The following MAB21L3 variants were observed in gnomAD, a reference collection of about 807,000 sequenced individuals.
MAB21L3 encodes the protein mab-21 like 3.
MAB21L3 carries 36 observed loss-of-function variants against 37.7 expected under a neutral mutation model. That is an observed-to-expected ratio of 0.96 (90% CI 0.73 to 1.26). The LOEUF (loss-of-function observed/expected upper bound fraction) is 1.26. MAB21L3 is among the 50% of genes most tolerant of loss of function. The pLI, the probability that MAB21L3 is intolerant of heterozygous loss-of-function variation, is 0.00. For missense variants in MAB21L3, 430 were observed against 447.3 expected (o/e 0.96, Z 0.35); for synonymous variants, 186 against 176.8 (o/e 1.05, Z -0.41).
chr1:116,117,204 G>T (rs1266633526), intron 3 of MAB21L3, among the ~76,000 whole-genome samples: 5 of 117,328 alleles, frequency 4.3e-5, no homozygotes, highest in South Asian at 2.4e-4. Context: ...TATAGTCACT[G>T]CTATGTTACT....
intron 7 of MAB21L3, among the ~76,000 whole-genome samples, chr1:116,129,350 T>G (rs1472445203): frequency 6.6e-6 from 1 of 152,222 alleles, no homozygotes. Flanking sequence ...TGCAGCCTGC[T>G]GGAGTAGGGA....
At chr1:116,126,072 C>T (rs1659901118) in intron 5 of MAB21L3, among the ~76,000 whole-genome samples, 1 of 152,188 alleles carries the variant, frequency 6.6e-6, no homozygotes, top group Non-Finnish European at 1.5e-5. Flanking sequence ...GCCCTTTATC[C>T]CACCCTGGCC....
At position 116,112,524 on chromosome 1, in the gene MAB21L3, G is replaced by T. The variant is rs1359955662; in HGVS notation, c.-92G>T. The T allele has an allele frequency of 6.2e-6, 7 of 1,135,458 alleles. No homozygotes were observed. The highest frequency in any genetic ancestry group is 9.2e-6 in the Non-Finnish European group (7 of 757,944). 70.3% of individuals were successfully genotyped at this position (1,135,458 alleles called of 1,614,324 possible). A position where few individuals can be genotyped will look rare whatever the true frequency, so the allele number is the denominator to read the frequency against. On this transcript the variant is annotated 5_prime_UTR_variant, in exon 3 of 8. Coordinates refer to ENST00000369500, the MANE Select transcript of MAB21L3 (RefSeq NM_152367.3). ...TTAGTACCCAGAGACTCACATTACT[G>T]GGAGTGCTATCTACTCACAAGTGTT...
rs775238771 is a variant in MAB21L3, at chr1:116,133,235, G to A, written c.959G>A (p.Ser320Asn). Residue 320 changes from serine (S) to asparagine (N), a missense_variant, in exon 8 of 8, where the codon AGC (serine) becomes AAC (asparagine). By Grantham distance (46) the Ser-to-Asn change is conservative. Coordinates refer to ENST00000369500, the MANE Select transcript of MAB21L3 (RefSeq NM_152367.3). ...GTGAGGAAACTGCACAAGTGCGTGA[G>A]CCAGCACTTCCTGAAACACTATTTC... ...RLVRKLHKCV[S>N]QHFLKHYFVR... The A allele has an allele frequency of 1.1e-5, 18 of 1,614,060 alleles. No individual in the cohort carries two copies. The highest frequency in any genetic ancestry group is 1.4e-5 in the Non-Finnish European group (16 of 1,180,034).
At position 116,124,140 on chromosome 1, in the gene MAB21L3, GC is replaced by G; in HGVS notation, c.265del (p.His89ThrfsTer32). ...LAGYREAREQ[H>X]WRYYTLQGTR... The stretch of plus-strand genomic sequence containing the variant: ...CCGGGTACAGGGAGGCCAGGGAGCA[GC>G]ACTGGCGGTACTACACACTGCAGGG... On this transcript the variant is annotated frameshift_variant, in exon 5 of 8. Coordinates refer to ENST00000369500, the MANE Select transcript of MAB21L3 (RefSeq NM_152367.3). LOFTEE classifies it high-confidence loss of function. 7 of 1,614,224 alleles carry G rather than the reference GC, an allele frequency of 4.3e-6. No homozygotes were observed. The highest frequency in any genetic ancestry group is 5.9e-6 in the Non-Finnish European group (7 of 1,180,034).
In MAB21L3 at chr1:116,112,592, C is replaced by A. The variant is rs2101606187; in HGVS notation, c.-24C>A. 1.2e-6 allele frequency: 2 copies of A among 1,602,454 alleles called. No homozygotes were observed. The highest frequency in any genetic ancestry group is 1.7e-6 in the Non-Finnish European group (2 of 1,175,562). ...AAAAAAAAACCAGGAAGTTGCTGTT[C>A]TACTGAGGACTGACCAAGAAGCCAT... On this transcript the variant is annotated 5_prime_UTR_variant, in exon 3 of 8. Coordinates refer to ENST00000369500, the MANE Select transcript of MAB21L3 (RefSeq NM_152367.3).
Position 116,124,363 on chromosome 1 carries a change from C to A in MAB21L3, c.481+6C>A. 6.2e-7 allele frequency: 1 copy of A among 1,608,332 alleles called. No individual in the cohort carries two copies. Reference sequence around the variant, plus strand: ...TAGAACCTGTCACCTCTCAGGTGAGCTGATCAGGAACAAGTGCAAGGGTAA... The same window carrying A: ...TAGAACCTGTCACCTCTCAGGTGAGATGATCAGGAACAAGTGCAAGGGTAA... On this transcript the variant is annotated splice_donor_region_variant and intron_variant, in intron 5 of 7. Coordinates refer to ENST00000369500, the MANE Select transcript of MAB21L3 (RefSeq NM_152367.3).
At position 116,127,737 on chromosome 1, in the gene MAB21L3, A is replaced by C. The variant is rs998017021; in HGVS notation, c.660+93A>C. On this transcript the variant is annotated intron_variant, in intron 6 of 7. Coordinates refer to ENST00000369500, the MANE Select transcript of MAB21L3 (RefSeq NM_152367.3). ...TGACTGCCAATGAGTTTCCGAAGGA[A>C]AGTTGAGGTGTTACTAGATCAGCAG... 1.1e-5 allele frequency: 15 copies of C among 1,331,136 alleles called. No individual in the cohort carries two copies. The East Asian group carries it at 3.6e-4, about 32-fold the overall frequency. 82.5% of individuals were successfully genotyped at this position (1,331,136 alleles called of 1,614,324 possible).
At chr1:116,115,245 C>A (rs372970058) in intron 3 of MAB21L3, among the ~76,000 whole-genome samples, 2 of 152,200 alleles carry the variant, frequency 1.3e-5, no homozygotes, top group South Asian at 4.1e-4. Flanking sequence ...CACGGTAATG[C>A]TGCTGCTACA....
intron 5 of MAB21L3, among the ~76,000 whole-genome samples, chr1:116,124,894 C>G (rs1049652377): frequency 1.3e-5 from 2 of 151,910 alleles, no homozygotes; most frequent in African/African-American, 4.8e-5. Context: ...CACACATACA[C>G]ACACACACAC....
At position 116,120,931 on chromosome 1, in the gene MAB21L3, G is replaced by T; in HGVS notation, c.49-1G>T. ...CCATTGCTGGTCCCTCTCACACCCA[G>T]GTGGACTTGAGGCGCCAGCAGATTT... On this transcript the variant is annotated splice_acceptor_variant, in intron 3 of 7. Coordinates refer to ENST00000369500, the MANE Select transcript of MAB21L3 (RefSeq NM_152367.3). LOFTEE classifies it high-confidence loss of function. The T allele has an allele frequency of 6.2e-7, 1 of 1,614,044 alleles. No individual in the cohort carries two copies. The highest frequency in any genetic ancestry group is 8.5e-7 in the Non-Finnish European group (1 of 1,179,958).
chr1:116,127,739 G>T, intron 6 of MAB21L3, 95 bp downstream of exon 6: 1 of 1,317,150 alleles, frequency 7.6e-7, no homozygotes, highest in Non-Finnish European at 1.0e-6. Context: ...CCGAAGGAAA[G>T]TTGAGGTGTT....
chr1:116,133,093 G>A (rs1274560078), intron 7 of MAB21L3, 39 bp from the exon 8 acceptor site: 2 of 1,537,668 alleles, frequency 1.3e-6, no homozygotes. Context: ...CTCCTCAATT[G>A]CCCGAAACAA....
chr1:116,131,016 T>TAATGGTTTATGGATAATGGATAATGGA (rs1660053486), intron 7 of MAB21L3, among the ~76,000 whole-genome samples: 1 of 152,190 alleles, frequency 6.6e-6, no homozygotes, highest in African/African-American at 2.4e-5. Context: ...AACCATAACA[T>TAATGGTTTATGGATAATGGATAATGGA]TAATGGATAA....
intron 5 of MAB21L3, among the ~76,000 whole-genome samples, chr1:116,127,195 C>T (rs999222638): frequency 3.9e-5 from 6 of 152,092 alleles, no homozygotes; most frequent in African/African-American, 1.4e-4. Context: ...ACCCCAAATG[C>T]CTTGGGGTTG....
rs1332798413 is a variant in MAB21L3 at position 116,127,567 on chromosome 1, A to G, written c.583A>G (p.Thr195Ala). 1 of 1,613,986 alleles carries G rather than the reference A, an allele frequency of 6.2e-7. No homozygotes were observed. Among genetic ancestry groups the G allele is most frequent in the Non-Finnish European group, 8.5e-7 (1 of 1,180,020 alleles). The change falls in exon 6 of 8, where the codon ACC (threonine) becomes GCC (alanine). Residue 195 changes from threonine (T) to alanine (A), a missense_variant. Transcript: ENST00000369500. ...GCTGGTCCCCGCAGTGGAGATCCCC[A>G]CCACCTGGTCCAAGAAAGCCCGGTG... ...LELVPAVEIPTTWSKKARWPR... is the reference protein window; with the variant it reads ...LELVPAVEIPATWSKKARWPR...
At chr1:116,112,124 G>A (rs939823686) in intron 2 of MAB21L3, among the ~76,000 whole-genome samples, 1 of 152,142 alleles carries the variant, frequency 6.6e-6, no homozygotes, top group African/African-American at 2.4e-5. Context: ...AGAGCAAGGG[G>A]TGTTTACTGT....
intron 7 of MAB21L3, among the ~76,000 whole-genome samples, chr1:116,132,139 G>A (rs6698175): frequency 0.018 from 2,753 of 152,262 alleles, 50 homozygotes; most frequent in African/African-American, 0.044. Context: ...CAGAGGAGAA[G>A]TCTGGGCTGG....
At position 116,127,621 on chromosome 1, in the gene MAB21L3, CAA is replaced by C. The variant is rs753174116; in HGVS notation, c.638_639del (p.Gln213ArgfsTer12). ...TCGATGTCTGCAGCGCTGGCCTTCC[CAA>C]GAGAGAGTGGAGTGCATCAAGGTAT... The part of the protein sequence containing the change: ...WPRCLQRWPS[Q>X]ERVECIKSFG... On this transcript the variant is annotated frameshift_variant, in exon 6 of 8. Transcript: ENST00000369500. LOFTEE classifies it high-confidence loss of function. 13 of 1,613,498 alleles carry C rather than the reference CAA, an allele frequency of 8.1e-6. No homozygotes were observed. The Admixed American group carries it at 8.3e-5, about 10-fold the overall frequency.
Sources: gnomAD v4.1 joint callset for allele counts (sites outside exome capture counted in the v4.1 genomes callset) on GRCh38, gnomAD v4.1.1 for gene constraint, MANE v1.5 for transcripts, NCBI Gene and HGNC (gene_info 2026-07-23, HGNC 2026-07-21) for gene names.